PLEKHA6: variants seen among roughly 807,000 people sequenced by gnomAD.
PLEKHA6 encodes pleckstrin homology domain-containing family A member 6.
In PLEKHA6, 60 loss-of-function variants were observed where a neutral mutation model predicts 116.7. The ratio of observed to expected loss-of-function variants is 0.51; its 90% confidence interval spans 0.42 to 0.64. The LOEUF (loss-of-function observed/expected upper bound fraction) is 0.64, where lower values mean the gene tolerates loss of function less well. Ranked by LOEUF, PLEKHA6 falls within the 30% of genes least tolerant of loss-of-function variation. The probability of loss-of-function intolerance (pLI) is 0.00; values close to 1 mark genes in which losing one functional copy is unlikely to be tolerated. For synonymous variants in PLEKHA6, 489 were observed against 556.1 expected (o/e 0.88, Z 1.70); for missense variants, 1,338 against 1,422.7 (o/e 0.94, Z 0.96).
intron 1 of PLEKHA6, chr1:204,280,803 C>T (rs1668515848): frequency 6.4e-6 from 1 of 156,834 alleles, no homozygotes. Flanking sequence ...CTTCAGCATC[C>T]TGTCCCAATT....
intron 3 of PLEKHA6, among the ~76,000 whole-genome samples, chr1:204,268,578 C>CTT (rs68190806): frequency 2.6e-4 from 35 of 136,668 alleles, no homozygotes; most frequent in African/African-American, 8.6e-4. Flanking sequence ...GTCTCACAGC[C>CTT]TTTTTTTTTT....
intron 12 of PLEKHA6, 97 bp downstream of exon 12, chr1:204,248,724 G>T: frequency 8.7e-7 from 1 of 1,154,784 alleles, no homozygotes; most frequent in Non-Finnish European, 1.2e-6. Flanking sequence ...CTTGTCCTCT[G>T]AGGAAAACTG....
intron 1 of PLEKHA6, among the ~76,000 whole-genome samples, chr1:204,357,017 T>C (rs1358040890): frequency 1.3e-5 from 2 of 152,212 alleles, no homozygotes; most frequent in Non-Finnish European, 2.9e-5. Context: ...GAAATGATCA[T>C]GTAAAATATA....
intron 1 of PLEKHA6, among the ~76,000 whole-genome samples, chr1:204,298,529 G>A (rs757343298): frequency 6.6e-6 from 1 of 152,198 alleles, no homozygotes; most frequent in Non-Finnish European, 1.5e-5. Flanking sequence ...GGTTCCATCA[G>A]TCAGACTACC....
intron 1 of PLEKHA6, among the ~76,000 whole-genome samples, chr1:204,303,489 G>A (rs1018466285): frequency 6.6e-6 from 1 of 152,180 alleles, no homozygotes; most frequent in African/African-American, 2.4e-5. Context: ...AAGTCCTAGG[G>A]TGGTTTCAAA....
chr1:204,286,254 C>T (rs1369007988), intron 1 of PLEKHA6, among the ~76,000 whole-genome samples: 1 of 152,058 alleles, frequency 6.6e-6, no homozygotes, highest in Non-Finnish European at 1.5e-5. Flanking sequence ...GCCTAGAGAA[C>T]CTGCTGGCTA....
intron 1 of PLEKHA6, among the ~76,000 whole-genome samples, chr1:204,287,005 G>T (rs73075572): frequency 0.015 from 2,260 of 152,274 alleles, 63 homozygotes; most frequent in African/African-American, 0.051. Context: ...CCACAAGGGG[G>T]TTGGGTTTAC....
chr1:204,345,445 G>C (rs191290953), intron 1 of PLEKHA6, among the ~76,000 whole-genome samples: 1 of 152,034 alleles, frequency 6.6e-6, no homozygotes, highest in African/African-American at 2.4e-5. Context: ...CACTCCCTTC[G>C]AGGTTTCTTT....
chr1:204,316,820 G>A (rs945398946), intron 1 of PLEKHA6, among the ~76,000 whole-genome samples: 1 of 152,184 alleles, frequency 6.6e-6, no homozygotes, highest in Admixed American at 6.5e-5. Flanking sequence ...TGGCATCTGC[G>A]TTAGGATATC....
At chr1:204,281,115 A>T in intron 1 of PLEKHA6, 1 of 317,190 alleles carries the variant, frequency 3.2e-6, no homozygotes, top group Non-Finnish European at 4.6e-6. Context: ...TGAGCCCAGG[A>T]GGTCGAGACT....
intron 1 of PLEKHA6, among the ~76,000 whole-genome samples, chr1:204,344,328 G>T (rs883950): frequency 1.3e-5 from 2 of 151,992 alleles, no homozygotes; most frequent in Admixed American, 6.5e-5. Flanking sequence ...GGCCAGGCTT[G>T]GTGGCTCACG....
chr1:204,364,091 C>T (rs548068644), upstream of PLEKHA6, among the ~76,000 whole-genome samples: 1 of 152,270 alleles, frequency 6.6e-6, no homozygotes, highest in Admixed American at 6.5e-5. Flanking sequence ...TCAATATTTG[C>T]TCATTGAAAT....
intron 2 of PLEKHA6, among the ~76,000 whole-genome samples, chr1:204,368,186 T>C (rs1009932971): frequency 6.6e-6 from 1 of 152,206 alleles, no homozygotes; most frequent in East Asian, 1.9e-4. Context: ...CGCCAGGCCC[T>C]GTGCCAGCCC....
chr1:204,249,159 C>T (rs1664193529), intron 11 of PLEKHA6, 25 bp downstream of exon 11: 3 of 1,601,494 alleles, frequency 1.9e-6, no homozygotes. Flanking sequence ...TCTGCCCCAG[C>T]TTAAAGCCAC....
At chr1:204,241,889 G>GT in intron 15 of PLEKHA6, 75 bp from the exon 16 acceptor site, 2 of 1,494,640 alleles carry the variant, frequency 1.3e-6, no homozygotes, top group Non-Finnish European at 1.9e-6. Context: ...ATGTTTCTTT[G>GT]TTTTTTAATG....
intron 17 of PLEKHA6, among the ~76,000 whole-genome samples, chr1:204,232,316 T>G (rs1363662707): frequency 6.6e-6 from 1 of 152,206 alleles, no homozygotes; most frequent in Non-Finnish European, 1.5e-5. Context: ...AGGGCTTTTT[T>G]ATTTGGGAGG....
chr1:204,340,848 A>G (rs1419548153), intron 1 of PLEKHA6, among the ~76,000 whole-genome samples: 1 of 152,236 alleles, frequency 6.6e-6, no homozygotes, highest in Non-Finnish European at 1.5e-5. Context: ...AAACAGACTT[A>G]CACTGGCCTT....
chr1:204,363,480 G>C (rs1673597722), upstream of PLEKHA6, among the ~76,000 whole-genome samples: 1 of 152,196 alleles, frequency 6.6e-6, no homozygotes, highest in Non-Finnish European at 1.5e-5. Context: ...TGGGAACCGG[G>C]TTATCAGGGG....
rs1457377367 is a variant in PLEKHA6, at chr1:204,220,728, A to G, written c.*2060T>C. 1.3e-5 allele frequency: 2 copies of G among 152,566 alleles called. No individual in the cohort carries two copies. Among genetic ancestry groups the G allele is most frequent in the East Asian group, 3.9e-4 (2 of 5,194 alleles). The allele number at this position is 152,566 out of a possible 1,614,324, so 9.5% of individuals were successfully genotyped here. A position where few individuals can be genotyped will look rare whatever the true frequency, so the allele number is the denominator to read the frequency against. ...AAAGATCAGACATCCAAACAAATAT[A>G]TTACATATATAGATCTATAATATGT... is the stretch of plus-strand genomic sequence containing the variant. On this transcript the variant is annotated 3_prime_UTR_variant, in exon 23 of 23. Transcript: ENST00000272203.
Sources: gnomAD v4.1 joint callset for allele counts (sites outside exome capture counted in the v4.1 genomes callset) on GRCh38, gnomAD v4.1.1 for gene constraint, MANE v1.5 for transcripts, NCBI Gene and HGNC (gene_info 2026-07-23, HGNC 2026-07-21) for gene names.